The following ZNF83 variants were observed in gnomAD, a reference collection of about 807,000 sequenced individuals.
ZNF83 encodes the protein zinc finger protein 83, also known as zinc finger protein 816B.
For synonymous variants in ZNF83, 209 were observed against 213.0 expected (o/e 0.98, Z 0.17); for missense variants, 552 against 629.9 (o/e 0.88, Z 1.32).
chr19:52,635,087 C>A (rs550720478), exon 2 of ZNF83: 5 of 717,516 alleles, frequency 7.0e-6, no homozygotes, highest in Non-Finnish European at 1.3e-5. Flanking sequence ...CCATTCCTGA[C>A]GCCTTTGCTT....
At chr19:52,676,324 C>A (rs144427093) in intron 1 of ZNF83, among the ~76,000 whole-genome samples, 1 of 152,092 alleles carries the variant, frequency 6.6e-6, no homozygotes, top group Non-Finnish European at 1.5e-5. Context: ...CTGATCTCGG[C>A]TCACTACAAC....
intron 1 of ZNF83, among the ~76,000 whole-genome samples, chr19:52,678,174 C>A (rs2061849171): frequency 6.6e-6 from 1 of 151,916 alleles, no homozygotes; most frequent in African/African-American, 2.4e-5. Flanking sequence ...AGGATAAGGC[C>A]AGGCTCGGTG....
chr19:52,614,973 G>C (rs890722918), intron 2 of ZNF83, among the ~76,000 whole-genome samples, 176 bp from the exon 3 acceptor site: 1 of 152,106 alleles, frequency 6.6e-6, no homozygotes, highest in Non-Finnish European at 1.5e-5. Flanking sequence ...TTTTCTAATA[G>C]AGAAAGGGTG....
chr19:52,643,955 T>C (rs2147231280), intron 3 of ZNF83, among the ~76,000 whole-genome samples: 1 of 152,218 alleles, frequency 6.6e-6, no homozygotes, highest in East Asian at 1.9e-4. Context: ...TGAGGGCAAG[T>C]TCCCAGGAGG....
rs776251162 is a variant in ZNF83, at chr19:52,629,975, C to CAAGA, written c.-234+5087_-234+5090dup. Among the ~76,000 whole-genome samples, 66 of 151,934 alleles carry CAAGA rather than the reference C, an allele frequency of 4.3e-4. 1 individual carries two copies. The highest frequency in any genetic ancestry group is 1.3e-4 in the Non-Finnish European group (9 of 67,974). ...AAACCCCAGCCACATCTCCAGCACA[C>CAAGA]AAGAACTTCCAAACGCCTGAACCAC... is the stretch of plus-strand genomic sequence containing the variant. On this transcript the variant is annotated intron_variant, in intron 2 of 2. Transcript: ENST00000301096.
chr19:52,677,306 TAAAAAAAAAAAA>T (rs67835464), intron 1 of ZNF83, among the ~76,000 whole-genome samples: 7 of 106,464 alleles, frequency 6.6e-5, no homozygotes, highest in African/African-American at 2.2e-4. Context: ...AATTGAGAAG[TAAAAAAAAAAAA>T]AAAAAAAAAA....
intron 1 of ZNF83, among the ~76,000 whole-genome samples, chr19:52,671,601 C>G (rs1600256432): frequency 6.6e-6 from 1 of 152,214 alleles, no homozygotes; most frequent in South Asian, 2.1e-4. Context: ...CACCACCAAG[C>G]CTGGCTAATT....
chr19:52,630,039 G>A (rs2060895541), intron 2 of ZNF83, among the ~76,000 whole-genome samples: 2 of 152,298 alleles, frequency 1.3e-5, no homozygotes, highest in East Asian at 1.9e-4. Flanking sequence ...TCCCCCAGGA[G>A]CTTGCTACAA....
chr19:52,622,531 A>G lies in ZNF83; in HGVS notation c.-233-7734T>C, dbSNP rs557592893. Among the ~76,000 whole-genome samples the G allele has an allele frequency of 3.0e-3, 460 of 152,310 alleles. 2 individuals carry two copies. The highest frequency in any genetic ancestry group is 5.4e-3 in the Non-Finnish European group (366 of 68,036). On this transcript the variant is annotated intron_variant, in intron 2 of 2. Coordinates refer to ENST00000301096, the Ensembl canonical transcript of ZNF83. The stretch of plus-strand genomic sequence containing the variant: ...CAAGAAGATCCCTAATGGGAATACC[A>G]GACAGGCTCCCCAGGTATAGCTAGG...
chr19:52,618,689 G>T, intron 2 of ZNF83: 1 of 663,462 alleles, frequency 1.5e-6, no homozygotes, highest in Non-Finnish European at 2.3e-6. Context: ...GAGTCACCAC[G>T]CCTTGCCAGC....
chr19:52,656,472 C>G (rs1033372369), intron 2 of ZNF83, among the ~76,000 whole-genome samples: 2 of 152,070 alleles, frequency 1.3e-5, no homozygotes, highest in African/African-American at 2.4e-5. Flanking sequence ...TTGTGGTAAG[C>G]TGAGATGACA....
At chr19:52,638,372 G>A (rs657259), upstream of ZNF83, 58,477 of 152,018 alleles carry the variant, frequency 0.38, 12,669 homozygotes, top group African/African-American at 0.55. Context: ...ATGTGCGCGC[G>A]CAGTACAGAA....
intron 3 of ZNF83, chr19:52,653,083 A>ATTTTTTTT (rs2061463850): frequency 2.7e-6 from 4 of 1,487,966 alleles, no homozygotes; most frequent in Non-Finnish European, 3.7e-6. Context: ...TCCAGTATGA[A>ATTTTTTTT]TTGCCTTATG....
intron 1 of ZNF83, among the ~76,000 whole-genome samples, chr19:52,663,888 AC>A (rs1353365085): frequency 6.6e-6 from 1 of 152,202 alleles, no homozygotes; most frequent in African/African-American, 2.4e-5. Flanking sequence ...TATTTATTTT[AC>A]TTTATTTTAT....
chr19:52,620,940 C>G (rs890991722), intron 2 of ZNF83, among the ~76,000 whole-genome samples: 3 of 152,238 alleles, frequency 2.0e-5, no homozygotes, highest in Non-Finnish European at 2.9e-5. Flanking sequence ...TAGATAACCA[C>G]CTTTAATTGT....
At chr19:52,686,526 C>T (rs922252959) in intron 1 of ZNF83, among the ~76,000 whole-genome samples, 1 of 150,246 alleles carries the variant, frequency 6.7e-6, no homozygotes, top group African/African-American at 2.4e-5. Context: ...AAATCTATTA[C>T]ACAACAAGAA....
chr19:52,655,574 G>C, exon 3 of ZNF83: 1 of 1,500,132 alleles, frequency 6.7e-7, no homozygotes, highest in Non-Finnish European at 9.3e-7. Flanking sequence ...CAGACTCCAG[G>C]TTCCTGTAGT....
At chr19:52,657,507 GAC>G (rs141314152) in intron 2 of ZNF83, among the ~76,000 whole-genome samples, 20,220 of 151,126 alleles carry the variant, frequency 0.13, 1,579 homozygotes, top group East Asian at 0.24. Flanking sequence ...CAGCCTGGGT[GAC>G]AGAGTGAGAC....
intron 1 of ZNF83, among the ~76,000 whole-genome samples, chr19:52,687,266 G>T (rs1390860217): frequency 6.9e-6 from 1 of 145,930 alleles, no homozygotes; most frequent in Non-Finnish European, 1.5e-5. Flanking sequence ...AAAGCAGGAG[G>T]ATCCTTTGAG....
Sources: gnomAD v4.1 joint callset for allele counts (sites outside exome capture counted in the v4.1 genomes callset) on GRCh38, gnomAD v4.1.1 for gene constraint, MANE v1.5 for transcripts, NCBI Gene and HGNC (gene_info 2026-07-23, HGNC 2026-07-21) for gene names.